ZEB1: variants seen among roughly 807,000 people sequenced by gnomAD.
The protein encoded by ZEB1 is zinc finger E-box binding homeobox 1.
ZEB1 carries 21 observed loss-of-function variants against 84.9 expected under a neutral mutation model. That is an observed-to-expected ratio of 0.25 (90% CI 0.18 to 0.36). The LOEUF is 0.36. ZEB1 is among the 10% of genes least tolerant of loss of function. ZEB1 has a pLI of 1.00. For synonymous variants in ZEB1, 420 were observed against 471.1 expected (o/e 0.89, Z 1.41); for missense variants, 1,104 against 1,330.2 (o/e 0.83, Z 2.65).
chr10:31,390,035 G>T (rs1028832701), intron 1 of ZEB1, among the ~76,000 whole-genome samples: 1 of 152,004 alleles, frequency 6.6e-6, no homozygotes, highest in Non-Finnish European at 1.5e-5. Context: ...AACTCCCCTT[G>T]TTTAGAGTTT....
chr10:31,459,285 A>G (rs2061563661), intron 1 of ZEB1, among the ~76,000 whole-genome samples: 1 of 152,126 alleles, frequency 6.6e-6, no homozygotes, highest in African/African-American at 2.4e-5. Flanking sequence ...TGATGTGATC[A>G]TGTGTATTTT....
At chr10:31,327,099 CTTTTTTTT>C (rs71527629) in intron 1 of ZEB1, among the ~76,000 whole-genome samples, 4 of 84,962 alleles carry the variant, frequency 4.7e-5, no homozygotes, top group African/African-American at 1.5e-4. Context: ...CTTTTCTTTT[CTTTTTTTT>C]TTTTTTTTTT....
At chr10:31,423,723 C>T (rs559642378) in intron 1 of ZEB1, among the ~76,000 whole-genome samples, 1 of 152,010 alleles carries the variant, frequency 6.6e-6, no homozygotes, top group Non-Finnish European at 1.5e-5. Flanking sequence ...GTTTGTTCAT[C>T]CAGAAAACTT....
At chr10:31,382,018 A>C (rs1471852322) in intron 1 of ZEB1, among the ~76,000 whole-genome samples, 4 of 130,964 alleles carry the variant, frequency 3.1e-5, no homozygotes, top group East Asian at 4.1e-4. Flanking sequence ...AAAAAAAAAA[A>C]AAAAAAAAAA....
intron 2 of ZEB1, among the ~76,000 whole-genome samples, chr10:31,479,946 A>T (rs2064821316): frequency 6.6e-6 from 1 of 152,030 alleles, no homozygotes; most frequent in Non-Finnish European, 1.5e-5. Flanking sequence ...TGTCTGTATT[A>T]ATCTTACAAG....
At chr10:31,319,403 G>A in intron 1 of ZEB1, 111 bp downstream of exon 1, 4 of 1,089,830 alleles carry the variant, frequency 3.7e-6, no homozygotes, top group Middle Eastern at 2.8e-4. Context: ...GGGCAGGGAC[G>A]GCAAAGTGGA....
chr10:31,341,442 CAG>C (rs578177964), intron 1 of ZEB1, among the ~76,000 whole-genome samples: 107 of 152,204 alleles, frequency 7.0e-4, no homozygotes, highest in Admixed American at 2.5e-3. Flanking sequence ...TGACACCAAA[CAG>C]AGTGAATATA....
chr10:31,342,593 G>C (rs1348026942), intron 1 of ZEB1, among the ~76,000 whole-genome samples: 1 of 152,126 alleles, frequency 6.6e-6, no homozygotes, highest in Non-Finnish European at 1.5e-5. Flanking sequence ...CTAGAAGTTT[G>C]AATAGAGAGG....
Position 31,449,579 on chromosome 10 carries a change from A to G in ZEB1, c.59-11458A>G, listed in dbSNP as rs1232345804. On this transcript the variant is annotated intron_variant, in intron 1 of 8. Coordinates refer to ENST00000424869, the MANE Select transcript of ZEB1 (RefSeq NM_001174096.2). ...CCAAATGATTTTTATTAAATAATGC[A>G]TTTTCCCCCCACTAATTTGCAAGAC... Among the ~76,000 whole-genome samples, 4 of 151,822 alleles carry G rather than the reference A, an allele frequency of 2.6e-5. 1 individual carries two copies. Among genetic ancestry groups the G allele is most frequent in the Admixed American group, 2.0e-4 (3 of 15,256 alleles).
intron 5 of ZEB1, among the ~76,000 whole-genome samples, chr10:31,512,236 C>T (rs1400990284): frequency 1.3e-5 from 2 of 152,176 alleles, no homozygotes; most frequent in Non-Finnish European, 2.9e-5. Flanking sequence ...ACCATATTCC[C>T]TCTACTCCAA....
At chr10:31,362,218 GCTC>G (rs2043319863) in intron 1 of ZEB1, among the ~76,000 whole-genome samples, 1 of 144,630 alleles carries the variant, frequency 6.9e-6, no homozygotes. Flanking sequence ...GGGCAGAGGT[GCTC>G]CTCACTTCCC....
intron 6 of ZEB1, among the ~76,000 whole-genome samples, chr10:31,516,288 T>C (rs1185155930): frequency 6.6e-6 from 1 of 152,008 alleles, no homozygotes; most frequent in Non-Finnish European, 1.5e-5. Flanking sequence ...GTCCACTCAT[T>C]ATGTATGTAC....
upstream of ZEB1, chr10:31,318,892 T>G: frequency 2.6e-6 from 1 of 377,634 alleles, no homozygotes; most frequent in Non-Finnish European, 5.1e-6. Flanking sequence ...GCCTCCAACT[T>G]TACCTTTCCA....
intron 1 of ZEB1, among the ~76,000 whole-genome samples, chr10:31,411,939 C>T (rs972849322): frequency 3.3e-5 from 5 of 151,952 alleles, no homozygotes; most frequent in East Asian, 3.9e-4. Context: ...TTGAATGTGT[C>T]GATACAAGAT....
At chr10:31,440,445 A>G (rs539523036) in intron 1 of ZEB1, among the ~76,000 whole-genome samples, 2 of 152,308 alleles carry the variant, frequency 1.3e-5, no homozygotes, top group South Asian at 4.2e-4. Context: ...TCCACAACCA[A>G]TATCATACTG....
chr10:31,495,764 C>T lies in ZEB1; in HGVS notation c.260-12C>T. ...CACTATAGATCTATTTTAATTTCTT[C>T]TTTGATTTCAGCAGGAAAGGAAGGG... is the stretch of plus-strand genomic sequence containing the variant. On this transcript the variant is annotated splice_polypyrimidine_tract_variant and intron_variant, in intron 2 of 8. Coordinates refer to ENST00000424869, the MANE Select transcript of ZEB1 (RefSeq NM_001174096.2). 3 of 1,612,558 alleles carry T rather than the reference C, an allele frequency of 1.9e-6. No individual in the cohort carries two copies. In the East Asian group the frequency reaches 6.7e-5, roughly 36 times the overall value.
chr10:31,482,933 A>G (rs777308890), intron 2 of ZEB1, among the ~76,000 whole-genome samples: 9 of 152,052 alleles, frequency 5.9e-5, no homozygotes, highest in Non-Finnish European at 1.2e-4. Flanking sequence ...CTTGCCCCAA[A>G]GGAAAGTTTT....
intron 3 of ZEB1, 30 bp from the exon 4 acceptor site, chr10:31,502,318 T>G: frequency 6.2e-7 from 1 of 1,611,442 alleles, no homozygotes; most frequent in Non-Finnish European, 8.5e-7. Context: ...GTGGTGAGAT[T>G]GCTGTCTTAA....
At chr10:31,455,144 C>T (rs2061049766) in intron 1 of ZEB1, among the ~76,000 whole-genome samples, 2 of 152,142 alleles carry the variant, frequency 1.3e-5, no homozygotes, top group Non-Finnish European at 2.9e-5. Context: ...ACAAACCTGA[C>T]ACAAACAAGA....
Sources: allele counts gnomAD v4.1 joint callset (sites outside exome capture counted in the v4.1 genomes callset), GRCh38; gene constraint gnomAD v4.1.1; transcripts MANE v1.5; gene names NCBI Gene and HGNC (gene_info 2026-07-23, HGNC 2026-07-21).